GRIN2B: variants seen among roughly 807,000 people sequenced by gnomAD.
The protein encoded by GRIN2B is glutamate receptor ionotropic, NMDA 2B.
A neutral mutation model predicts 114.5 loss-of-function variants in GRIN2B; 5 were observed. The observed-to-expected ratio is 0.04, with a 90% CI of 0.02 to 0.09. GRIN2B has a LOEUF of 0.09. Among genes scored for constraint, GRIN2B ranks in the 10% least tolerant of loss-of-function variants. GRIN2B has a pLI of 1.00. For synonymous variants in GRIN2B, 787 were observed against 745.1 expected, an observed-to-expected ratio of 1.06 and a Z score of -0.92; for missense variants, 1,108 against 1,943.5, an observed-to-expected ratio of 0.57 and a Z score of 8.08.
intron 4 of GRIN2B, among the ~76,000 whole-genome samples, chr12:13,726,257 G>A (rs148170833): frequency 1.4e-3 from 216 of 151,844 alleles, no homozygotes; most frequent in African/African-American, 4.9e-3. Context: ...AAAAATTGTC[G>A]GGCACATTGG....
intron 3 of GRIN2B, among the ~76,000 whole-genome samples, chr12:13,769,227 C>T (rs1863860544): frequency 6.6e-6 from 1 of 151,926 alleles, no homozygotes; most frequent in African/African-American, 2.4e-5. Context: ...AGGTTTAGTC[C>T]CCTGGCCTGA....
intron 4 of GRIN2B, among the ~76,000 whole-genome samples, chr12:13,697,318 A>G (rs973750887): frequency 6.6e-6 from 1 of 152,210 alleles, no homozygotes; most frequent in African/African-American, 2.4e-5. Context: ...TAGAAAAAAA[A>G]ACAGAACAGT....
chr12:13,881,796 C>T (rs1021603234), intron 2 of GRIN2B, among the ~76,000 whole-genome samples: 2 of 152,068 alleles, frequency 1.3e-5, no homozygotes, highest in African/African-American at 2.4e-5. Flanking sequence ...CTCCTGCTTG[C>T]CATACTACAC....
chr12:13,652,258 C>G (rs1949821283), intron 5 of GRIN2B, among the ~76,000 whole-genome samples: 1 of 151,864 alleles, frequency 6.6e-6, no homozygotes. Context: ...TCTCTGCAGC[C>G]TCTGTGGAGA....
At chr12:13,572,302 T>C (rs185568612) in intron 10 of GRIN2B, among the ~76,000 whole-genome samples, 1 of 152,344 alleles carries the variant, frequency 6.6e-6, no homozygotes, top group Admixed American at 6.5e-5. Context: ...GGTGGCTTAA[T>C]TGCAGTGGGC....
At chr12:13,722,481 C>T (rs116050530) in intron 4 of GRIN2B, among the ~76,000 whole-genome samples, 1 of 151,984 alleles carries the variant, frequency 6.6e-6, no homozygotes, top group African/African-American at 2.4e-5. Context: ...TCCACAGTAG[C>T]CAGAGTGTAG....
chr12:13,692,246 A>G (rs1950220661), intron 4 of GRIN2B, among the ~76,000 whole-genome samples: 1 of 152,142 alleles, frequency 6.6e-6, no homozygotes, highest in Non-Finnish European at 1.5e-5. Context: ...AATGGAAACT[A>G]TGAAGATAGG....
intron 2 of GRIN2B, among the ~76,000 whole-genome samples, chr12:13,943,746 C>T (rs1263896923): frequency 6.6e-6 from 1 of 152,206 alleles, no homozygotes; most frequent in Admixed American, 6.5e-5. Flanking sequence ...AAAGGCCTTT[C>T]CTGGCCCCTC....
Position 13,730,902 on chromosome 12 carries a change from C to A in GRIN2B, c.1010+22415G>T, listed in dbSNP as rs1451747937. Reference sequence around the variant, plus strand: ...TGACATGACTAAACCCCTTTCCTTTCTTAAAATGGTTATTTCTTTTGGCTT... The same window carrying A: ...TGACATGACTAAACCCCTTTCCTTTATTAAAATGGTTATTTCTTTTGGCTT... On this transcript the variant is annotated intron_variant, in intron 4 of 13. Coordinates refer to ENST00000609686, the MANE Select transcript of GRIN2B (RefSeq NM_000834.5). Among the ~76,000 whole-genome samples, 5 of 152,160 alleles carry A rather than the reference C, an allele frequency of 3.3e-5. No individual in the cohort carries two copies. The East Asian group carries it at 7.7e-4, about 23-fold the overall frequency.
At chr12:13,774,913 C>T (rs74065286) in intron 3 of GRIN2B, among the ~76,000 whole-genome samples, 1,976 of 152,022 alleles carry the variant, frequency 0.013, 45 homozygotes, top group African/African-American at 0.045. Context: ...CAAATATATG[C>T]GGCATAGGAA....
chr12:13,964,922 C>T (rs1344431797), intron 2 of GRIN2B, among the ~76,000 whole-genome samples: 1 of 152,202 alleles, frequency 6.6e-6, no homozygotes, highest in Non-Finnish European at 1.5e-5. Context: ...CAATACTTAA[C>T]TGTTCCCACC....
At chr12:13,684,774 T>C (rs928606988) in intron 4 of GRIN2B, among the ~76,000 whole-genome samples, 1 of 152,174 alleles carries the variant, frequency 6.6e-6, no homozygotes, top group African/African-American at 2.4e-5. Context: ...AGGTAGGCTA[T>C]CAAAACTAAG....
chr12:13,861,818 T>G (rs1006941265), intron 3 of GRIN2B, among the ~76,000 whole-genome samples: 3 of 152,138 alleles, frequency 2.0e-5, no homozygotes, highest in Non-Finnish European at 2.9e-5. Context: ...GCTTTTCGAT[T>G]CTCATTCTTT....
Position 13,564,921 on chromosome 12 carries a change from G to A in GRIN2B, c.2599-282C>T, listed in dbSNP as rs189375932. 6.6e-6 allele frequency among the ~76,000 whole-genome samples: 1 copy of A among 152,166 alleles called. No individual in the cohort carries two copies. Among genetic ancestry groups the A allele is most frequent in the Non-Finnish European group, 1.5e-5 (1 of 68,028 alleles). Reference sequence around the variant, plus strand: ...AAAGGGACTGGAATCATAAGATATGGCATTTTTGCCTCAGCTTCACTGTTG... The same window carrying A: ...AAAGGGACTGGAATCATAAGATATGACATTTTTGCCTCAGCTTCACTGTTG... On this transcript the variant is annotated intron_variant, in intron 13 of 13. Coordinates refer to ENST00000609686, the MANE Select transcript of GRIN2B (RefSeq NM_000834.5). The surrounding 1 kb of genome is among the most constrained non-coding windows in gnomAD (Gnocchi z 4.8).
intron 3 of GRIN2B, among the ~76,000 whole-genome samples, chr12:13,778,518 G>A (rs1315142824): frequency 6.6e-6 from 1 of 152,110 alleles, no homozygotes; most frequent in African/African-American, 2.4e-5. Context: ...TGCCCTTTAG[G>A]TGCTGACTTA....
chr12:13,842,012 T>C (rs1375158115), intron 3 of GRIN2B, among the ~76,000 whole-genome samples: 1 of 152,148 alleles, frequency 6.6e-6, no homozygotes, highest in Non-Finnish European at 1.5e-5. Flanking sequence ...AAACCTCTCC[T>C]CTAAGCAACT....
intron 3 of GRIN2B, among the ~76,000 whole-genome samples, chr12:13,825,466 T>TATATATATAATATATATAA: frequency 6.9e-6 from 1 of 144,402 alleles, no homozygotes; most frequent in Non-Finnish European, 1.5e-5. Flanking sequence ...TATATATATA[T>TATATATATAATATATATAA]AATATATATA....
At chr12:13,609,631 G>A (rs1401620172) in intron 9 of GRIN2B, among the ~76,000 whole-genome samples, 1 of 152,122 alleles carries the variant, frequency 6.6e-6, no homozygotes, top group Non-Finnish European at 1.5e-5. Context: ...AAATTAGCTG[G>A]GCGTGGTGGC....
intron 2 of GRIN2B, among the ~76,000 whole-genome samples, chr12:13,967,173 G>A (rs1220180212): frequency 2.0e-5 from 3 of 152,200 alleles, no homozygotes; most frequent in Admixed American, 6.5e-5. Flanking sequence ...GTGTCCTATA[G>A]CTAATGAGCA....
Sources: allele counts gnomAD v4.1 joint callset (sites outside exome capture counted in the v4.1 genomes callset), GRCh38; gene constraint gnomAD v4.1.1; non-coding constraint Gnocchi (gnomAD v3.1); transcripts MANE v1.5; gene names NCBI Gene and HGNC (gene_info 2026-07-23, HGNC 2026-07-21).